Variants in IL20RB observed in about 807,000 individuals in gnomAD.
The protein encoded by IL20RB is interleukin 20 receptor subunit beta.
In IL20RB, 21 loss-of-function variants were observed where a neutral mutation model predicts 33.3. The ratio of observed to expected loss-of-function variants is 0.63; its 90% CI spans 0.45 to 0.91. IL20RB has a LOEUF of 0.91. IL20RB is among the 40% of genes least tolerant of loss of function. The probability of loss-of-function intolerance (pLI) is 0.00; values close to 1 mark genes in which losing one functional copy is unlikely to be tolerated. For synonymous variants in IL20RB, 147 were observed against 146.8 expected (o/e 1.00, Z -0.01); for missense variants, 345 against 384.8 (o/e 0.90, Z 0.86).
chr3:136,982,476 C>A, intron 3 of IL20RB, 126 bp downstream of exon 3: 1 of 633,452 alleles, frequency 1.6e-6, no homozygotes, highest in Non-Finnish European at 2.6e-6. Context: ...ATTGTGAACA[C>A]AAACAACCCT....
Position 136,989,512 on chromosome 3 carries a change from G to A in IL20RB, c.478G>A (p.Gly160Arg). The change falls in exon 4 of 7, where the codon GGG (glycine) becomes AGG (arginine). Residue 160 changes from glycine (G) to arginine (R), a missense_variant. Coordinates refer to ENST00000329582, the MANE Select transcript of IL20RB (RefSeq NM_144717.4). Reference sequence around the variant, plus strand: ...CCTGGTTATTGAGCTGGAGGACCTGGGGCCCCAGTTTGAGTTCCTTGTGGC... The same window carrying A: ...CCTGGTTATTGAGCTGGAGGACCTGAGGCCCCAGTTTGAGTTCCTTGTGGC... ...FHLVIELEDL[G>R]PQFEFLVAYW... 1 of 1,614,122 alleles carries A rather than the reference G, an allele frequency of 6.2e-7. No individual in the cohort carries two copies.
intron 1 of IL20RB, among the ~76,000 whole-genome samples, chr3:136,969,704 C>T (rs929424871): frequency 1.3e-5 from 2 of 152,198 alleles, no homozygotes; most frequent in African/African-American, 4.8e-5. Flanking sequence ...TTCACCAGAG[C>T]TGTTCCTATT....
chr3:136,960,810 TAGAAGAAGGGAGGAGGGACAAAGGAA>T (rs1330346575), intron 1 of IL20RB, among the ~76,000 whole-genome samples: 2 of 152,042 alleles, frequency 1.3e-5, no homozygotes, highest in Non-Finnish European at 2.9e-5. Flanking sequence ...TAAAACAAGG[TAGAAGAAGGGAGGAGGGACAAAGGAA>T]AGGAAATAAA....
At chr3:136,971,372 CT>C (rs1216742439) in intron 1 of IL20RB, among the ~76,000 whole-genome samples, 2 of 152,190 alleles carry the variant, frequency 1.3e-5, no homozygotes, top group Admixed American at 1.3e-4. Flanking sequence ...CTCAAGTGAT[CT>C]GCCCACCTTG....
intron 6 of IL20RB, among the ~76,000 whole-genome samples, chr3:136,998,549 A>C (rs1378011051): frequency 6.7e-6 from 1 of 150,372 alleles, no homozygotes; most frequent in Non-Finnish European, 1.5e-5. Flanking sequence ...GCTAGTGACA[A>C]ATTCTCTTTG....
rs1941240841 is a variant in IL20RB at position 136,962,283 on chromosome 3, A to G, written c.88+4082A>G. 2.0e-5 allele frequency among the ~76,000 whole-genome samples: 3 copies of G among 152,200 alleles called. No homozygotes were observed. In the South Asian group the frequency reaches 6.2e-4, roughly 32 times the overall value. ...AAAATGGTAGCTTTACAGTAGAGAC[A>G]CTTTCTTAACCAAGTGATCAGGGTG... On this transcript the variant is annotated intron_variant, in intron 1 of 6. Coordinates refer to ENST00000329582, the MANE Select transcript of IL20RB (RefSeq NM_144717.4).
intron 6 of IL20RB, among the ~76,000 whole-genome samples, chr3:137,000,012 A>G (rs1942209469): frequency 6.6e-6 from 1 of 151,992 alleles, no homozygotes; most frequent in South Asian, 2.1e-4. Context: ...ATCGTTTTTT[A>G]TTTGGTGTAG....
Position 136,995,453 on chromosome 3 carries a change from T to C in IL20RB, c.722T>C (p.Val241Ala). ...IPLVLALFAF[V>A]GFMLILVVVP... ...CTGGTACTGGCCCTGTTTGCCTTTG[T>C]TGGCTTCATGCTGATCCTTGTGGTC... The change falls in exon 6 of 7, where the codon GTT becomes GCT. Residue 241 changes from valine (V) to alanine (A), a missense_variant. By Grantham distance (64) the Val-to-Ala change is moderately conservative. Transcript: ENST00000329582. 1.2e-6 allele frequency: 2 copies of C among 1,614,210 alleles called. No individual in the cohort carries two copies. Among genetic ancestry groups the C allele is most frequent in the Non-Finnish European group, 1.7e-6 (2 of 1,180,038 alleles).
At chr3:136,980,880 T>A (rs1040562259) in intron 2 of IL20RB, among the ~76,000 whole-genome samples, 1 of 152,232 alleles carries the variant, frequency 6.6e-6, no homozygotes, top group African/African-American at 2.4e-5. Context: ...TGACTTGAGA[T>A]GGATAAATCA....
chr3:136,989,451 C>CCG lies in IL20RB; in HGVS notation c.418_419dup (p.Pro141AspfsTer44). The CCG allele has an allele frequency of 6.2e-7, 1 of 1,613,854 alleles. No homozygotes were observed. Among genetic ancestry groups the CCG allele is most frequent in the Non-Finnish European group, 8.5e-7 (1 of 1,179,844 alleles). On this transcript the variant is annotated frameshift_variant, in exon 4 of 7. Transcript: ENST00000329582. LOFTEE classifies it high-confidence loss of function. ...TTGTCTTGCCAACAGCCATCCTTAC[C>CCG]CGACCTGGGATGGAGATCACCAAAG...
chr3:137,007,616 T>G (rs1177816089), intron 6 of IL20RB, among the ~76,000 whole-genome samples: 1 of 152,232 alleles, frequency 6.6e-6, no homozygotes, highest in Admixed American at 6.5e-5. Flanking sequence ...GAGAATCACC[T>G]TGTCTGCCAG....
At chr3:137,000,807 T>G (rs1047972525) in intron 6 of IL20RB, among the ~76,000 whole-genome samples, 2 of 152,166 alleles carry the variant, frequency 1.3e-5, no homozygotes, top group Non-Finnish European at 2.9e-5. Context: ...TGTTGTGATT[T>G]CTCTCTGAAC....
intron 5 of IL20RB, among the ~76,000 whole-genome samples, chr3:136,994,147 T>C (rs1360376573): frequency 6.6e-6 from 1 of 152,088 alleles, no homozygotes; most frequent in Non-Finnish European, 1.5e-5. Flanking sequence ...ATTTCAGGAG[T>C]TGGGGAGAAG....
chr3:136,980,291 CT>C (rs5852860), intron 1 of IL20RB, 174 bp from the exon 2 acceptor site: 265,220 of 536,536 alleles, frequency 0.49, 39,111 homozygotes, highest in East Asian at 0.65. Context: ...ACATGTGAGG[CT>C]TTTTTTTTTT....
At chr3:137,004,994 A>C (rs1942324097) in intron 6 of IL20RB, among the ~76,000 whole-genome samples, 1 of 152,172 alleles carries the variant, frequency 6.6e-6, no homozygotes, top group Non-Finnish European at 1.5e-5. Flanking sequence ...TTCAAAGAAC[A>C]TTTTTATTTC....
At chr3:137,008,943 A>C (rs1445041022) in intron 6 of IL20RB, among the ~76,000 whole-genome samples, 1 of 152,246 alleles carries the variant, frequency 6.6e-6, no homozygotes, top group Non-Finnish European at 1.5e-5. Context: ...AATTTAAAAA[A>C]TGATCATGTA....
intron 6 of IL20RB, among the ~76,000 whole-genome samples, chr3:137,002,059 A>G (rs954855093): frequency 2.6e-5 from 4 of 152,132 alleles, no homozygotes; most frequent in African/African-American, 9.7e-5. Context: ...TTTGCTGAGA[A>G]TGATGGTTTC....
intron 6 of IL20RB, 87 bp downstream of exon 6, chr3:136,995,643 GT>G (rs1234707684): frequency 6.1e-6 from 8 of 1,303,988 alleles, no homozygotes; most frequent in Non-Finnish European, 8.7e-6. Context: ...ATGTTTCCAT[GT>G]TTCTATCATG....
At chr3:136,976,217 G>A (rs964651433) in intron 1 of IL20RB, among the ~76,000 whole-genome samples, 3 of 152,198 alleles carry the variant, frequency 2.0e-5, no homozygotes, top group African/African-American at 7.2e-5. Context: ...CTCAGAGAAG[G>A]GAGTGAAGCT....
Sources: allele counts gnomAD v4.1 joint callset (sites outside exome capture counted in the v4.1 genomes callset), GRCh38; gene constraint gnomAD v4.1.1; transcripts MANE v1.5; gene names NCBI Gene and HGNC (gene_info 2026-07-23, HGNC 2026-07-21).